Variants in RB1CC1 observed in about 807,000 individuals in gnomAD.
RB1CC1 encodes the protein RB1-inducible coiled-coil protein 1.
A neutral mutation model predicts 177.5 loss-of-function variants in RB1CC1; 46 were observed. That is an observed-to-expected ratio of 0.26 (90% CI 0.20 to 0.33). The LOEUF (loss-of-function observed/expected upper bound fraction) is 0.33. Ranked by LOEUF, RB1CC1 falls within the 10% of genes least tolerant of loss-of-function variation. RB1CC1 has a pLI of 1.00. For missense variants in RB1CC1, 1,703 were observed against 1,816.3 expected (o/e 0.94, Z 1.13); for synonymous variants, 666 against 613.6 (o/e 1.09, Z -1.26).
chr8:52,632,317 T>C (rs894499099), intron 20 of RB1CC1, among the ~76,000 whole-genome samples: 8 of 152,184 alleles, frequency 5.3e-5, no homozygotes, highest in Non-Finnish European at 1.0e-4. Context: ...AAGTCAAATT[T>C]TGATGCTCTG....
chr8:52,695,051 C>T (rs1025509023), intron 1 of RB1CC1, among the ~76,000 whole-genome samples: 3 of 152,110 alleles, frequency 2.0e-5, no homozygotes, highest in Non-Finnish European at 2.9e-5. Flanking sequence ...AGTAGGTTAT[C>T]AAGTGGTTAA....
intron 22 of RB1CC1, among the ~76,000 whole-genome samples, chr8:52,625,614 T>G (rs1020929234): frequency 5.3e-5 from 8 of 152,206 alleles, no homozygotes; most frequent in Admixed American, 2.0e-4. Flanking sequence ...TTAATACTTC[T>G]AATCTACCAT....
rs1285287199 is a variant in RB1CC1, at chr8:52,640,590, T to C, written c.4337+1761A>G. ...TATATCTTTCTGAATCATATTATAG[T>C]AAACTTTCTGTATCATTTGGCTCTA... is the stretch of plus-strand genomic sequence containing the variant. On this transcript the variant is annotated intron_variant, in intron 18 of 23. Transcript: ENST00000025008. Among the ~76,000 whole-genome samples, 11 of 152,326 alleles carry C rather than the reference T, an allele frequency of 7.2e-5. No individual in the cohort carries two copies. The South Asian group carries it at 1.0e-3, about 14-fold the overall frequency.
At chr8:52,674,730 T>C (rs1019415831) in intron 6 of RB1CC1, among the ~76,000 whole-genome samples, 23 of 148,680 alleles carry the variant, frequency 1.5e-4, no homozygotes, top group Middle Eastern at 3.5e-3. Flanking sequence ...ATGGTGCCAC[T>C]GCACTCCAGC....
At chr8:52,677,533 T>C (rs533867118) in intron 5 of RB1CC1, among the ~76,000 whole-genome samples, 1 of 152,246 alleles carries the variant, frequency 6.6e-6, no homozygotes, top group African/African-American at 2.4e-5. Flanking sequence ...ACATGAAGAA[T>C]GTAATCAAAT....
At chr8:52,665,525 A>G (rs1170561470) in intron 8 of RB1CC1, among the ~76,000 whole-genome samples, 2 of 152,252 alleles carry the variant, frequency 1.3e-5, no homozygotes, top group African/African-American at 4.8e-5. Context: ...TATTTCTAAT[A>G]TGGAAAAACT....
intron 1 of RB1CC1, among the ~76,000 whole-genome samples, chr8:52,695,882 G>A (rs1035341297): frequency 6.6e-6 from 1 of 152,188 alleles, no homozygotes. Context: ...TCTCCAAAGA[G>A]AGGGTGGATA....
chr8:52,653,647 G>A (rs143601743), intron 15 of RB1CC1, among the ~76,000 whole-genome samples: 28 of 152,226 alleles, frequency 1.8e-4, no homozygotes, highest in African/African-American at 6.3e-4. Flanking sequence ...GGGCCCAATG[G>A]TTCCCTCATC....
intron 1 of RB1CC1, among the ~76,000 whole-genome samples, chr8:52,701,354 A>G (rs1856035055): frequency 6.6e-6 from 1 of 151,998 alleles, no homozygotes; most frequent in South Asian, 2.1e-4. Context: ...CAAACTCCTG[A>G]CCTCAGGTAA....
At chr8:52,692,231 A>C (rs983414048) in intron 1 of RB1CC1, among the ~76,000 whole-genome samples, 2 of 152,136 alleles carry the variant, frequency 1.3e-5, no homozygotes, top group African/African-American at 4.8e-5. Flanking sequence ...CAAAATAATA[A>C]AACTGTCTGC....
chr8:52,683,953 C>T lies in RB1CC1; in HGVS notation c.132G>A (p.Val44=). 6.2e-7 allele frequency: 1 copy of T among 1,614,080 alleles called. No individual in the cohort carries two copies. The highest frequency in any genetic ancestry group is 8.5e-7 in the Non-Finnish European group (1 of 1,179,986). The part of the protein sequence containing the change: ...SKYKIAIQHQ[V]LVVNGGECMA... ...TGCATTCTCCTCCATTGACCACCAG[C>T]ACCTGGTGTTGAATAGCAATCTTGT... is the stretch of plus-strand genomic sequence containing the variant. The change falls in exon 4 of 24, where the codon GTG becomes GTA. Residue 44 remains valine, a synonymous_variant. Coordinates refer to ENST00000025008, the MANE Select transcript of RB1CC1 (RefSeq NM_014781.5).
intron 18 of RB1CC1, among the ~76,000 whole-genome samples, chr8:52,639,536 T>C (rs145736445): frequency 7.4e-4 from 113 of 152,320 alleles, no homozygotes; most frequent in African/African-American, 2.6e-3. Flanking sequence ...CATTGTGTTC[T>C]TCCTGAATTT....
intron 22 of RB1CC1, among the ~76,000 whole-genome samples, chr8:52,625,118 A>G (rs887529380): frequency 1.3e-5 from 2 of 152,176 alleles, no homozygotes; most frequent in South Asian, 2.1e-4. Context: ...CAGTAGTGCC[A>G]TCTATTGAAA....
At chr8:52,640,627 T>C (rs941934578) in intron 18 of RB1CC1, among the ~76,000 whole-genome samples, 1 of 152,170 alleles carries the variant, frequency 6.6e-6, no homozygotes, top group African/African-American at 2.4e-5. Context: ...GTACCTCTCC[T>C]ATATGTAGAA....
rs1211866602 is a variant in RB1CC1, at chr8:52,647,028, T to C, written c.3822-1161A>G. On this transcript the variant is annotated intron_variant, in intron 15 of 23. Coordinates refer to ENST00000025008, the MANE Select transcript of RB1CC1 (RefSeq NM_014781.5). Reference sequence around the variant, plus strand: ...TTAATGTTTTTGAAATCAGGGTGTGTTCTGCAATTAATATGGGCATGTATT... The same window carrying C: ...TTAATGTTTTTGAAATCAGGGTGTGCTCTGCAATTAATATGGGCATGTATT... 2.0e-5 allele frequency among the ~76,000 whole-genome samples: 3 copies of C among 152,280 alleles called. No individual in the cohort carries two copies. In the East Asian group the frequency reaches 5.8e-4, roughly 29 times the overall value.
intron 12 of RB1CC1, 118 bp downstream of exon 12, chr8:52,660,473 CTTTTA>C (rs1277990650): frequency 2.1e-5 from 20 of 952,360 alleles, no homozygotes; most frequent in Non-Finnish European, 3.1e-5. Flanking sequence ...GCCAAAAACA[CTTTTA>C]TTTTGATTTT....
chr8:52,652,284 G>C (rs1850665159), intron 15 of RB1CC1, among the ~76,000 whole-genome samples: 2 of 151,938 alleles, frequency 1.3e-5, no homozygotes, highest in Non-Finnish European at 2.9e-5. Context: ...GGCTAACATG[G>C]CGAAACCCCA....
In RB1CC1 at chr8:52,656,748, T is replaced by C; in HGVS notation, c.3081A>G (p.Gln1027=). 2 of 1,613,846 alleles carry C rather than the reference T, an allele frequency of 1.2e-6. No individual in the cohort carries two copies. Among genetic ancestry groups the C allele is most frequent in the Non-Finnish European group, 8.5e-7 (1 of 1,179,922 alleles). ...TAATTTCAGCATGAGATTCTTGTAT[T>C]TGATTAATTATTTGTTGGTTTTCCT... ...LKKENQQIIN[Q]IQESHAEIIQ... Residue 1027 remains glutamine (Q), a synonymous_variant, in exon 15 of 24, where the codon CAA becomes CAG. Transcript: ENST00000025008.
In RB1CC1 at chr8:52,661,146, T is replaced by A. The variant is rs754366667; in HGVS notation, c.1494A>T (p.Leu498Phe). The change falls in exon 10 of 24, where the codon TTA becomes TTT. Residue 498 changes from leucine to phenylalanine, a missense_variant. Transcript: ENST00000025008. ...TTCTTCTTACAACCTCAACAACAGC[T>A]AAGCAGTACATCTGAGGAACTGTAC... ...ALSTVPQMYC[L>F]AVVEVVRRKM... 1.2e-6 allele frequency: 2 copies of A among 1,613,832 alleles called. No homozygotes were observed. The highest frequency in any genetic ancestry group is 1.7e-6 in the Non-Finnish European group (2 of 1,179,856).
Sources: allele counts gnomAD v4.1 joint callset (sites outside exome capture counted in the v4.1 genomes callset), GRCh38; gene constraint gnomAD v4.1.1; transcripts MANE v1.5; gene names NCBI Gene and HGNC (gene_info 2026-07-23, HGNC 2026-07-21).